Variants in PCDHGA7 observed in about 807,000 individuals in gnomAD.
The protein encoded by PCDHGA7 is protocadherin gamma subfamily A, 7, also known as protocadherin gamma-A7.
Under a neutral mutation model 58.3 loss-of-function variants are expected in PCDHGA7, and 44 were observed. The observed-to-expected ratio is 0.75, with a 90% confidence interval of 0.59 to 0.97. The LOEUF (loss-of-function observed/expected upper bound fraction) is 0.97. PCDHGA7 is among the 50% of genes least tolerant of loss of function. PCDHGA7 has a pLI of 0.00. For missense variants in PCDHGA7, 1,266 were observed against 1,188.7 expected (o/e 1.06, Z -0.96); for synonymous variants, 516 against 504.2 (o/e 1.02, Z -0.31).
chr5:141,485,744 G>T lies in PCDHGA7; in HGVS notation c.2425-9063G>T. 1 of 1,614,226 alleles carries T rather than the reference G, an allele frequency of 6.2e-7. No individual in the cohort carries two copies. Among genetic ancestry groups the T allele is most frequent in the Non-Finnish European group, 8.5e-7 (1 of 1,180,038 alleles). On this transcript the variant is annotated intron_variant, in intron 1 of 3. Transcript: ENST00000518325. The surrounding 1 kb of genome is among the most constrained non-coding windows in gnomAD (Gnocchi z 5.7). ...GAAGAAGCGCAGCGACGGCAGCCTG[G>T]TCCCAGAGCTGCTCCTGGAGAAGCC...
At chr5:141,499,007 AG>A (rs2099788320) in intron 2 of PCDHGA7, among the ~76,000 whole-genome samples, 1 of 151,128 alleles carries the variant, frequency 6.6e-6, no homozygotes, top group Non-Finnish European at 1.5e-5. Flanking sequence ...GAAGGAAGGA[AG>A]GAAGGAAGGA....
rs374200575 is a variant in PCDHGA7, at chr5:141,432,105, C to T, written c.2424+46782C>T. On this transcript the variant is annotated intron_variant, in intron 1 of 3. Transcript: ENST00000518325. The surrounding 1 kb of genome is among the most constrained non-coding windows in gnomAD (Gnocchi z 6.0). ...AACGTGGCAGACACCAACGACAACC[C>T]GCCGGTCTTCCCTCAGGCCTCCTAT... 1.9e-6 allele frequency: 3 copies of T among 1,614,172 alleles called. No homozygotes were observed. Among genetic ancestry groups the T allele is most frequent in the Admixed American group, 3.3e-5 (2 of 60,032 alleles).
rs755090005 is a variant in PCDHGA7, at chr5:141,388,852, G to A, written c.2424+3529G>A. 1.9e-5 allele frequency: 31 copies of A among 1,613,990 alleles called. 1 individual carries two copies. The South Asian group carries it at 3.0e-4, about 15-fold the overall frequency. On this transcript the variant is annotated intron_variant, in intron 1 of 3. Coordinates refer to ENST00000518325, the MANE Select transcript of PCDHGA7 (RefSeq NM_018920.4). ...ATAGTTTTGGAAGCAAGGGACGGTG[G>A]AGGAATGATTGCGCAATGCACAGTG...
chr5:141,482,472 CTG>C (rs2099561247), intron 1 of PCDHGA7, among the ~76,000 whole-genome samples: 2 of 136,856 alleles, frequency 1.5e-5, no homozygotes, highest in Non-Finnish European at 3.0e-5. Context: ...GTGCCAGACA[CTG>C]TAAACAATTA....
intron 2 of PCDHGA7, among the ~76,000 whole-genome samples, chr5:141,496,557 C>T (rs190275684): frequency 2.0e-5 from 3 of 152,258 alleles, no homozygotes; most frequent in Admixed American, 1.3e-4. Flanking sequence ...TGGGCATGCA[C>T]AGTCCTGTCA....
intron 1 of PCDHGA7, among the ~76,000 whole-genome samples, chr5:141,402,769 C>T (rs1404796973): frequency 6.6e-6 from 1 of 152,196 alleles, no homozygotes; most frequent in Non-Finnish European, 1.5e-5. Context: ...GGACTCCATC[C>T]GGATTTCCAG....
At chr5:141,460,981 G>GTATA (rs1491204135) in intron 1 of PCDHGA7, among the ~76,000 whole-genome samples, 10 of 121,884 alleles carry the variant, frequency 8.2e-5, no homozygotes, top group African/African-American at 3.1e-4. Context: ...GTGTGTGTGT[G>GTATA]TGTATATATA....
chr5:141,410,528 A>G (rs1464482105), intron 1 of PCDHGA7: 3 of 1,613,852 alleles, frequency 1.9e-6, no homozygotes, highest in Non-Finnish European at 2.5e-6. Flanking sequence ...CCTACATTCC[A>G]ATGAAGACAT....
intron 1 of PCDHGA7, chr5:141,415,733 T>C: frequency 7.1e-7 from 1 of 1,407,484 alleles, no homozygotes; most frequent in Non-Finnish European, 9.3e-7. Context: ...ATTTGATGTT[T>C]ATTAAGGTTT....
intron 1 of PCDHGA7, among the ~76,000 whole-genome samples, chr5:141,466,570 T>C (rs967163331): frequency 6.6e-6 from 1 of 152,202 alleles, no homozygotes; most frequent in East Asian, 1.9e-4. Flanking sequence ...TCTTCAACAT[T>C]GTCTCATCCC....
chr5:141,495,469 C>G (rs1398171981), intron 2 of PCDHGA7, among the ~76,000 whole-genome samples: 1 of 152,220 alleles, frequency 6.6e-6, no homozygotes, highest in Non-Finnish European at 1.5e-5. Flanking sequence ...TGTGGGGTCT[C>G]CGTGTCTCTG....
chr5:141,415,890 C>A lies in PCDHGA7; in HGVS notation c.2424+30567C>A, dbSNP rs2095969500. The A allele has an allele frequency of 9.7e-6, 9 of 931,410 alleles. No homozygotes were observed. In the South Asian group the frequency reaches 2.3e-4, roughly 24 times the overall value. 57.7% of individuals were successfully genotyped at this position (931,410 alleles called of 1,614,324 possible). On this transcript the variant is annotated intron_variant, in intron 1 of 3. Coordinates refer to ENST00000518325, the MANE Select transcript of PCDHGA7 (RefSeq NM_018920.4). Reference sequence around the variant, plus strand: ...GTTGTTGAGTACAATATTGACAATTCCTAAGACAGACTTCCATACAGAAGT... The same window carrying A: ...GTTGTTGAGTACAATATTGACAATTACTAAGACAGACTTCCATACAGAAGT...
At chr5:141,415,614 G>A (rs1476229913) in intron 1 of PCDHGA7, 1 of 1,612,128 alleles carries the variant, frequency 6.2e-7, no homozygotes, top group Admixed American at 1.7e-5. Flanking sequence ...TGGTTCCAGT[G>A]AGTTTTATTT....
intron 1 of PCDHGA7, chr5:141,395,250 C>A: frequency 6.4e-7 from 1 of 1,558,318 alleles, no homozygotes. Context: ...GAGTTTAGTT[C>A]TTTGCTTGCT....
chr5:141,442,534 GA>G (rs1156284172), intron 1 of PCDHGA7: 1 of 152,222 alleles, frequency 6.6e-6, no homozygotes, highest in Non-Finnish European at 1.5e-5. Context: ...TCTCCAAGGT[GA>G]AAAATTCTTG....
Position 141,477,176 on chromosome 5 carries a change from G to A in PCDHGA7, c.2425-17631G>A. ...GAATGACAACGCCCCGGAGATCACA[G>A]TCACCTCCGTGTACAGCCCAGTACC... On this transcript the variant is annotated intron_variant, in intron 1 of 3. Transcript: ENST00000518325. The surrounding 1 kb of genome is among the most constrained non-coding windows in gnomAD (Gnocchi z 4.9). 2 of 1,614,206 alleles carry A rather than the reference G, an allele frequency of 1.2e-6. No individual in the cohort carries two copies. Among genetic ancestry groups the A allele is most frequent in the Admixed American group, 1.7e-5 (1 of 60,024 alleles).
chr5:141,433,365 A>G (rs1347170890), intron 1 of PCDHGA7: 7 of 523,718 alleles, frequency 1.3e-5, no homozygotes, highest in Non-Finnish European at 2.4e-5. Context: ...CTGCCTATCT[A>G]TCTATCTATC....
At chr5:141,395,889 G>A (rs1375818306) in intron 1 of PCDHGA7, 3 of 151,948 alleles carry the variant, frequency 2.0e-5, no homozygotes, top group African/African-American at 4.8e-5. Flanking sequence ...GTGGTCACCT[G>A]GGCTCCATGC....
chr5:141,414,210 T>C (rs1252033650), intron 1 of PCDHGA7: 1 of 1,612,706 alleles, frequency 6.2e-7, no homozygotes, highest in East Asian at 2.2e-5. Flanking sequence ...AAGATGTAAA[T>C]GACAACAGTC....
Sources: gnomAD v4.1 joint callset for allele counts (sites outside exome capture counted in the v4.1 genomes callset) on GRCh38, gnomAD v4.1.1 for gene constraint, Gnocchi (gnomAD v3.1) non-coding constraint, MANE v1.5 for transcripts, NCBI Gene and HGNC (gene_info 2026-07-23, HGNC 2026-07-21) for gene names.